EYS: variants seen among roughly 807,000 people sequenced by gnomAD.
EYS encodes the protein EGF-like photoreceptor maintenance factor.
In EYS, 250 loss-of-function variants were observed where a neutral mutation model predicts 282.1. The observed-to-expected ratio is 0.89, with a 90% CI of 0.80 to 0.98. The LOEUF (loss-of-function observed/expected upper bound fraction) is 0.98. EYS is among the 50% of genes least tolerant of loss of function. EYS has a pLI of 0.00. For missense variants in EYS, 4,016 were observed against 3,709.0 expected (o/e 1.08, Z -2.15); for synonymous variants, 1,355 against 1,282.9 (o/e 1.06, Z -1.20).
At chr6:64,297,237 C>A (rs527623245) in intron 30 of EYS, among the ~76,000 whole-genome samples, 51 of 15,240 alleles carry the variant, frequency 3.3e-3, no homozygotes, top group African/African-American at 0.012. Flanking sequence ...GTCACACTTC[C>A]CCCCCATTGT....
intron 22 of EYS, among the ~76,000 whole-genome samples, chr6:64,707,538 G>A (rs781722929): frequency 1.1e-4 from 16 of 151,970 alleles, no homozygotes; most frequent in South Asian, 2.1e-4. Context: ...GCGTGGTGGC[G>A]GGCGCCTGTA....
intron 30 of EYS, among the ~76,000 whole-genome samples, chr6:64,254,748 C>T (rs528453923): frequency 6.4e-4 from 98 of 152,194 alleles, no homozygotes; most frequent in African/African-American, 2.2e-3. Context: ...GTAAATAAAT[C>T]CTGTTTGCAT....
chr6:64,166,996 A>G (rs1764309991), intron 31 of EYS, among the ~76,000 whole-genome samples: 1 of 152,226 alleles, frequency 6.6e-6, no homozygotes, highest in South Asian at 2.1e-4. Context: ...TAGATTTTCC[A>G]CCACGTGCAC....
chr6:64,356,229 A>G (rs1205913960), intron 29 of EYS, among the ~76,000 whole-genome samples: 1 of 151,356 alleles, frequency 6.6e-6, no homozygotes, highest in Non-Finnish European at 1.5e-5. Flanking sequence ...ATGTGGGTTC[A>G]TAGTAGGTGT....
intron 31 of EYS, 122 bp from the exon 32 acceptor site, chr6:64,082,124 G>A (rs1053851341): frequency 2.0e-5 from 12 of 614,350 alleles, no homozygotes; most frequent in South Asian, 2.5e-5. Context: ...TAAAATGTTA[G>A]GTCCAATTTT....
intron 35 of EYS, among the ~76,000 whole-genome samples, chr6:63,968,115 C>T (rs1373118930): frequency 2.0e-5 from 3 of 152,066 alleles, no homozygotes; most frequent in African/African-American, 7.2e-5. Context: ...TAAAGAAAGA[C>T]CTTTGTAACA....
chr6:64,974,717 A>G (rs1298060158), intron 14 of EYS, among the ~76,000 whole-genome samples: 1 of 151,920 alleles, frequency 6.6e-6, no homozygotes, highest in African/African-American at 2.4e-5. Context: ...TAAGTTTTCC[A>G]TAATTTATGA....
At chr6:63,793,699 A>C (rs1222994562) in intron 37 of EYS, among the ~76,000 whole-genome samples, 1 of 152,248 alleles carries the variant, frequency 6.6e-6, no homozygotes, top group Non-Finnish European at 1.5e-5. Flanking sequence ...TTTATATTTT[A>C]GTACCTTTAA....
At chr6:64,016,489 ATT>A (rs11358904) in intron 33 of EYS, among the ~76,000 whole-genome samples, 12,858 of 138,148 alleles carry the variant, frequency 0.093, 855 homozygotes, top group African/African-American at 0.21. Flanking sequence ...TACCTTTTTG[ATT>A]TTTTTTTTTT....
At chr6:63,977,723 G>A (rs1022202982) in intron 35 of EYS, among the ~76,000 whole-genome samples, 7 of 152,026 alleles carry the variant, frequency 4.6e-5, no homozygotes, top group African/African-American at 1.4e-4. Flanking sequence ...ATCCAGGACC[G>A]AGTTTGTGTG....
At chr6:65,698,390 G>C (rs545250211) in intron 1 of EYS, among the ~76,000 whole-genome samples, 1 of 151,886 alleles carries the variant, frequency 6.6e-6, no homozygotes, top group South Asian at 2.1e-4. Flanking sequence ...AATACTGGTG[G>C]GTCCTATATA....
At chr6:65,587,647 T>A (rs1223379499) in intron 2 of EYS, among the ~76,000 whole-genome samples, 1 of 152,076 alleles carries the variant, frequency 6.6e-6, no homozygotes, top group East Asian at 1.9e-4. Context: ...AGTGTGAGAA[T>A]GGACTTACAC....
chr6:65,508,765 T>G (rs920822374), intron 2 of EYS, among the ~76,000 whole-genome samples: 1 of 152,140 alleles, frequency 6.6e-6, no homozygotes, highest in Non-Finnish European at 1.5e-5. Flanking sequence ...CAAATACCCT[T>G]GCTAACAGTC....
chr6:65,543,738 T>C (rs1290333028), intron 2 of EYS, among the ~76,000 whole-genome samples: 2 of 152,152 alleles, frequency 1.3e-5, no homozygotes, highest in South Asian at 2.1e-4. Context: ...ATGACTATGA[T>C]ATTTTTTGCT....
chr6:65,649,272 T>G (rs1185021748), intron 1 of EYS, among the ~76,000 whole-genome samples: 2 of 152,220 alleles, frequency 1.3e-5, no homozygotes, highest in Non-Finnish European at 2.9e-5. Flanking sequence ...TTTGTTTGTT[T>G]TGTTTTCAAG....
intron 12 of EYS, among the ~76,000 whole-genome samples, chr6:65,256,883 T>C (rs1288219): frequency 2.3e-4 from 10 of 43,176 alleles, no homozygotes; most frequent in Non-Finnish European, 2.9e-4. Flanking sequence ...TACAGTCCCA[T>C]CAACAGTGTA....
At chr6:64,563,603 C>A (rs961472403) in intron 26 of EYS, among the ~76,000 whole-genome samples, 2 of 152,064 alleles carry the variant, frequency 1.3e-5, no homozygotes, top group African/African-American at 4.8e-5. Context: ...TATAAGCCAT[C>A]ATTGTAATTA....
chr6:64,682,586 T>C (rs2149905813), intron 22 of EYS, among the ~76,000 whole-genome samples: 1 of 152,188 alleles, frequency 6.6e-6, no homozygotes, highest in Non-Finnish European at 1.5e-5. Context: ...AAGCCTCACA[T>C]GGACATGCCT....
chr6:65,049,063 C>A (rs1773190467), intron 13 of EYS, among the ~76,000 whole-genome samples: 1 of 151,720 alleles, frequency 6.6e-6, no homozygotes, highest in African/African-American at 2.4e-5. Flanking sequence ...ATTTTACTAT[C>A]TATATGTATC....
Sources: allele counts gnomAD v4.1 joint callset (sites outside exome capture counted in the v4.1 genomes callset), GRCh38; gene constraint gnomAD v4.1.1; transcripts MANE v1.5; gene names NCBI Gene and HGNC (gene_info 2026-07-23, HGNC 2026-07-21).